TFDP2: variants seen among roughly 807,000 people sequenced by gnomAD.
The protein encoded by TFDP2 is transcription factor Dp-2 (E2F dimerization partner 2).
In TFDP2, 17 loss-of-function variants were observed where a neutral mutation model predicts 59.3. The ratio of observed to expected loss-of-function variants is 0.29; its 90% CI spans 0.20 to 0.43. The LOEUF (loss-of-function observed/expected upper bound fraction) is 0.43, where lower values mean the gene tolerates loss of function less well. TFDP2 is among the 20% of genes least tolerant of loss of function. The pLI is 1.00. For missense variants in TFDP2, 391 were observed against 528.8 expected (o/e 0.74, Z 2.56); for synonymous variants, 180 against 194.7 (o/e 0.92, Z 0.63).
At chr3:142,010,747 AAAAC>A (rs1277828105) in intron 3 of TFDP2, among the ~76,000 whole-genome samples, 3 of 150,262 alleles carry the variant, frequency 2.0e-5, no homozygotes, top group South Asian at 2.1e-4. Flanking sequence ...TTACAAGAAA[AAAAC>A]AAACAACCCC....
chr3:141,979,263 CT>C (rs1248314406), intron 6 of TFDP2, among the ~76,000 whole-genome samples: 1 of 152,122 alleles, frequency 6.6e-6, no homozygotes, highest in Non-Finnish European at 1.5e-5. Flanking sequence ...TCTGCCAGTC[CT>C]ATAAAAGTCT....
intron 1 of TFDP2, 76 bp from the exon 2 acceptor site, chr3:142,101,917 C>T (rs754435945): frequency 1.4e-5 from 6 of 440,658 alleles, no homozygotes; most frequent in Non-Finnish European, 2.4e-5. Context: ...TACTATGTGA[C>T]ATGCATTGTT....
chr3:142,132,736 C>G (rs374019816), intron 1 of TFDP2, among the ~76,000 whole-genome samples: 1 of 134,092 alleles, frequency 7.5e-6, no homozygotes, highest in African/African-American at 3.0e-5. Flanking sequence ...CAGATTAAGA[C>G]GCTATCTCAA....
At chr3:142,091,715 G>A (rs931633851) in intron 3 of TFDP2, among the ~76,000 whole-genome samples, 11 of 152,180 alleles carry the variant, frequency 7.2e-5, no homozygotes, top group African/African-American at 2.7e-4. Flanking sequence ...GGGGTGGAGA[G>A]AGATGGATGG....
intron 1 of TFDP2, among the ~76,000 whole-genome samples, chr3:142,120,028 C>T (rs1032848634): frequency 5.3e-5 from 8 of 150,900 alleles, no homozygotes; most frequent in East Asian, 2.0e-4. Context: ...CCAGCCTGGG[C>T]GACAGAGCAA....
chr3:142,038,897 C>T (rs1370799620), intron 3 of TFDP2, among the ~76,000 whole-genome samples: 1 of 152,088 alleles, frequency 6.6e-6, no homozygotes, highest in Non-Finnish European at 1.5e-5. Flanking sequence ...ATTAACAATG[C>T]CGTGATAGGC....
intron 6 of TFDP2, among the ~76,000 whole-genome samples, chr3:141,985,652 T>C (rs1040774154): frequency 2.0e-5 from 3 of 151,828 alleles, no homozygotes; most frequent in Non-Finnish European, 2.9e-5. Flanking sequence ...GAGCTAAACC[T>C]ATCAAACTCT....
chr3:142,060,273 A>G (rs2059874496), intron 3 of TFDP2, among the ~76,000 whole-genome samples: 1 of 152,310 alleles, frequency 6.6e-6, no homozygotes, highest in African/African-American at 2.4e-5. Context: ...CTCCCAAAGC[A>G]TTAGGATTAT....
intron 5 of TFDP2, 113 bp downstream of exon 5, chr3:141,994,907 A>G: frequency 1.1e-6 from 1 of 907,348 alleles, no homozygotes; most frequent in Non-Finnish European, 1.6e-6. Flanking sequence ...TTTAAAGGAA[A>G]AACATTTGTT....
intron 1 of TFDP2, among the ~76,000 whole-genome samples, chr3:142,130,778 G>A (rs1044286450): frequency 3.3e-5 from 5 of 152,060 alleles, no homozygotes; most frequent in Non-Finnish European, 5.9e-5. Context: ...TGGGCAGGGC[G>A]CGGTGGCTCA....
intron 1 of TFDP2, among the ~76,000 whole-genome samples, chr3:142,107,398 AT>A (rs2061509640): frequency 6.6e-6 from 1 of 151,442 alleles, no homozygotes; most frequent in Admixed American, 6.6e-5. Flanking sequence ...CGTCTGGCTA[AT>A]TTTTTTGTAT....
At chr3:142,131,123 T>C (rs984785557) in intron 1 of TFDP2, among the ~76,000 whole-genome samples, 7 of 146,324 alleles carry the variant, frequency 4.8e-5, no homozygotes, top group Admixed American at 1.3e-4. Flanking sequence ...AGTATACCCA[T>C]AGAAAGTAAC....
intron 3 of TFDP2, among the ~76,000 whole-genome samples, chr3:142,058,888 T>A (rs2059827534): frequency 2.0e-5 from 3 of 152,132 alleles, no homozygotes. Flanking sequence ...AGGCCCTCTC[T>A]CCCTGCTGGA....
chr3:141,953,076 TAC>T, intron 11 of TFDP2, 60 bp from the exon 12 acceptor site: 1 of 1,240,576 alleles, frequency 8.1e-7, no homozygotes. Flanking sequence ...CTGCTGTTGT[TAC>T]AGTCTGAGGA....
At chr3:142,098,210 A>C (rs1299026251) in intron 2 of TFDP2, among the ~76,000 whole-genome samples, 2 of 151,532 alleles carry the variant, frequency 1.3e-5, no homozygotes, top group African/African-American at 4.9e-5. Flanking sequence ...TGTATTTTCT[A>C]ATTTTTCCAT....
chr3:142,128,658 A>G (rs990083605), intron 1 of TFDP2, among the ~76,000 whole-genome samples: 20 of 152,100 alleles, frequency 1.3e-4, no homozygotes, highest in Non-Finnish European at 2.9e-4. Flanking sequence ...AAATAGAAAG[A>G]AAGAAAGAAA....
At chr3:141,973,123 A>ATATATATATATATATTTT in intron 8 of TFDP2, among the ~76,000 whole-genome samples, 6 of 58,014 alleles carry the variant, frequency 1.0e-4, no homozygotes, top group African/African-American at 3.9e-4. Context: ...ATATATATAT[A>ATATATATATATATATTTT]TTTTTTTTTT....
At chr3:142,000,303 GC>G (rs1943658563) in intron 4 of TFDP2, 1 of 702,738 alleles carries the variant, frequency 1.4e-6, no homozygotes. Flanking sequence ...CAGATTCAGT[GC>G]CTGGTGAGGG....
chr3:142,076,358 T>A (rs1000460453), intron 3 of TFDP2, among the ~76,000 whole-genome samples: 11 of 152,208 alleles, frequency 7.2e-5, no homozygotes, highest in Admixed American at 1.3e-4. Context: ...GTGGTACCAT[T>A]TATCAGAAAT....
Sources: allele counts gnomAD v4.1 joint callset (sites outside exome capture counted in the v4.1 genomes callset), GRCh38; gene constraint gnomAD v4.1.1; transcripts MANE v1.5; gene names NCBI Gene and HGNC (gene_info 2026-07-23, HGNC 2026-07-21).